The following PSD3 variants were observed in gnomAD, a reference collection of about 807,000 sequenced individuals.
PSD3 encodes the protein pleckstrin and Sec7 domain containing 3.
In PSD3, 49 loss-of-function variants were observed where a neutral mutation model predicts 105.5. That is an observed-to-expected ratio of 0.46 (90% CI 0.37 to 0.59). PSD3 has a LOEUF of 0.59. PSD3 is among the 20% of genes least tolerant of loss of function. The probability of loss-of-function intolerance (pLI) is 0.00; values close to 1 mark genes in which losing one functional copy is unlikely to be tolerated. For synonymous variants in PSD3, 557 were observed against 457.8 expected (o/e 1.22, Z -2.77); for missense variants, 1,561 against 1,263.8 (o/e 1.24, Z -3.57).
At chr8:18,595,834 A>T (rs1804054507) in intron 12 of PSD3, among the ~76,000 whole-genome samples, 2 of 152,060 alleles carry the variant, frequency 1.3e-5, no homozygotes, top group Admixed American at 1.3e-4. Context: ...CACTCTCTAT[A>T]ATGTACAGAA....
intron 1 of PSD3, among the ~76,000 whole-genome samples, chr8:18,992,381 A>T (rs1381507250): frequency 3.9e-5 from 6 of 152,176 alleles, no homozygotes; most frequent in Admixed American, 3.9e-4. Flanking sequence ...GTAAAAGCTA[A>T]TGACCCTACA....
At chr8:18,650,305 A>G (rs1342715400) in intron 10 of PSD3, among the ~76,000 whole-genome samples, 1 of 151,670 alleles carries the variant, frequency 6.6e-6, no homozygotes, top group Non-Finnish European at 1.5e-5. Flanking sequence ...ACAAAGAGTA[A>G]TTACTCACTT....
chr8:18,566,456 G>A (rs1371061069), intron 14 of PSD3, among the ~76,000 whole-genome samples: 2 of 151,652 alleles, frequency 1.3e-5, no homozygotes, highest in African/African-American at 2.4e-5. Flanking sequence ...AACCCGGGAG[G>A]TGGGGATTGC....
chr8:18,543,540 C>G (rs899066458), intron 15 of PSD3, among the ~76,000 whole-genome samples: 1 of 151,974 alleles, frequency 6.6e-6, no homozygotes, highest in Non-Finnish European at 1.5e-5. Flanking sequence ...ATGGCCTGAA[C>G]CCAGGAGGCG....
chr8:18,572,134 G>T (rs537935215), intron 14 of PSD3, among the ~76,000 whole-genome samples: 4 of 152,176 alleles, frequency 2.6e-5, no homozygotes, highest in South Asian at 2.1e-4. Flanking sequence ...AAATATTTTT[G>T]TATTTCTAGC....
intron 1 of PSD3, among the ~76,000 whole-genome samples, chr8:19,021,571 AAC>A (rs1491182584): frequency 2.0e-5 from 3 of 150,754 alleles, no homozygotes; most frequent in Non-Finnish European, 3.0e-5. Flanking sequence ...AAAAAAAAAA[AAC>A]CCATAGCTTC....
intron 4 of PSD3, among the ~76,000 whole-genome samples, chr8:18,860,406 T>C (rs1816347332): frequency 1.3e-5 from 2 of 151,472 alleles, no homozygotes; most frequent in Non-Finnish European, 1.5e-5. Context: ...ATTGGAAACA[T>C]GGCACCAACA....
intron 1 of PSD3, among the ~76,000 whole-genome samples, chr8:18,939,614 T>C (rs992498763): frequency 4.6e-5 from 7 of 152,046 alleles, no homozygotes; most frequent in African/African-American, 1.7e-4. Context: ...TCCTGAGAAG[T>C]TGGGATACAT....
chr8:19,039,139 T>C (rs1445156861), intron 1 of PSD3, among the ~76,000 whole-genome samples: 1 of 152,206 alleles, frequency 6.6e-6, no homozygotes, highest in Non-Finnish European at 1.5e-5. Flanking sequence ...CTTTTTTCCC[T>C]TGGCTTTGTG....
In PSD3 at chr8:18,765,462, T is replaced by C; in HGVS notation, c.2159A>G (p.Lys720Arg). The C allele has an allele frequency of 3.1e-6, 5 of 1,609,384 alleles. No individual in the cohort carries two copies. The highest frequency in any genetic ancestry group is 1.3e-5 in the African/African-American group (1 of 74,940). ...QGVNEGVDFS[K>R]DLLKALYNSI... ...TTCCATGCTTACTTTCAGCAGATCCTTGGAGAAATCAACACCCTCATTTAC... is the reference window on the plus strand; with the variant it reads ...TTCCATGCTTACTTTCAGCAGATCCCTGGAGAAATCAACACCCTCATTTAC... The change falls in exon 9 of 16, where the codon AAG (lysine) becomes AGG (arginine). Residue 720 changes from lysine to arginine, a missense_variant. Coordinates refer to ENST00000327040, the MANE Select transcript of PSD3 (RefSeq NM_015310.4).
chr8:18,858,950 G>C (rs1816228165), intron 4 of PSD3, among the ~76,000 whole-genome samples: 2 of 152,078 alleles, frequency 1.3e-5, no homozygotes, highest in Non-Finnish European at 2.9e-5. Context: ...TGTTCTTAAT[G>C]GCATCTAGAA....
chr8:18,591,048 A>G (rs1223925088), intron 12 of PSD3, among the ~76,000 whole-genome samples: 1 of 152,180 alleles, frequency 6.6e-6, no homozygotes, highest in Non-Finnish European at 1.5e-5. Flanking sequence ...CAATAAAAAT[A>G]TTGAGTAATC....
chr8:19,046,934 A>T (rs563967351), intron 1 of PSD3, among the ~76,000 whole-genome samples: 3 of 152,226 alleles, frequency 2.0e-5, no homozygotes, highest in Non-Finnish European at 4.4e-5. Context: ...CTTGTCTCTC[A>T]TCAAGAGTGG....
chr8:18,591,628 G>C (rs1233534321), intron 12 of PSD3, among the ~76,000 whole-genome samples: 3 of 152,140 alleles, frequency 2.0e-5, no homozygotes, highest in Non-Finnish European at 4.4e-5. Flanking sequence ...GAGACAGGTG[G>C]CTTGCTGTGG....
rs531934597 is a variant in PSD3, at chr8:19,038,464, T to G, written c.324+45742A>C. ...CCCCACATTTATTTATTTATCTATT[T>G]GTCTATCTATTTGTTTATTTAAGAC... On this transcript the variant is annotated intron_variant, in intron 1 of 1. Coordinates refer to the PSD3 transcript ENST00000521475. 8.2e-4 allele frequency among the ~76,000 whole-genome samples: 125 copies of G among 152,312 alleles called. 2 individuals are homozygous for G. The highest frequency in any genetic ancestry group is 2.7e-3 in the African/African-American group (113 of 41,566).
intron 1 of PSD3, among the ~76,000 whole-genome samples, chr8:19,004,517 C>A (rs986292097): frequency 6.6e-6 from 1 of 151,986 alleles, no homozygotes; most frequent in African/African-American, 2.4e-5. Flanking sequence ...ATGAGAGAAG[C>A]TATTTGCAAA....
intron 1 of PSD3, among the ~76,000 whole-genome samples, chr8:18,953,525 G>T (rs1823375605): frequency 6.6e-6 from 1 of 152,140 alleles, no homozygotes; most frequent in African/African-American, 2.4e-5. Flanking sequence ...AAGGTGGGTG[G>T]ATTACCAGAG....
At chr8:18,958,601 T>A (rs1823722552) in intron 1 of PSD3, among the ~76,000 whole-genome samples, 1 of 152,178 alleles carries the variant, frequency 6.6e-6, no homozygotes, top group Non-Finnish European at 1.5e-5. Context: ...AGATAATCTA[T>A]CATGACCAAC....
intron 10 of PSD3, among the ~76,000 whole-genome samples, chr8:18,651,613 C>G (rs548490754): frequency 1.3e-5 from 2 of 152,262 alleles, no homozygotes; most frequent in Admixed American, 1.3e-4. Flanking sequence ...AAAGAGCTTA[C>G]AATCTAATGG....
Sources: allele counts gnomAD v4.1 joint callset (sites outside exome capture counted in the v4.1 genomes callset), GRCh38; gene constraint gnomAD v4.1.1; transcripts MANE v1.5; gene names NCBI Gene and HGNC (gene_info 2026-07-23, HGNC 2026-07-21).